The following HIPK2 variants were observed in gnomAD, a reference collection of about 807,000 sequenced individuals.
HIPK2 encodes the protein homeodomain interacting protein kinase 2, also known as homeodomain-interacting protein kinase 2.
HIPK2 carries 27 observed loss-of-function variants against 113.7 expected under a neutral mutation model. The ratio of observed to expected loss-of-function variants is 0.24; its 90% CI spans 0.17 to 0.33. HIPK2 has a LOEUF of 0.33. HIPK2 is among the 10% of genes least tolerant of loss of function. HIPK2 has a pLI of 1.00. For missense variants in HIPK2, 1,257 were observed against 1,588.0 expected (o/e 0.79, Z 3.54); for synonymous variants, 631 against 642.2 (o/e 0.98, Z 0.26).
chr7:139,734,235 T>C (rs1008433152), intron 1 of HIPK2, among the ~76,000 whole-genome samples: 1 of 152,196 alleles, frequency 6.6e-6, no homozygotes, highest in African/African-American at 2.4e-5. Context: ...CTTCAGGAGA[T>C]CAATGTGTCA....
chr7:139,765,009 G>A (rs772920670), intron 1 of HIPK2, among the ~76,000 whole-genome samples: 1 of 151,968 alleles, frequency 6.6e-6, no homozygotes, highest in African/African-American at 2.4e-5. Context: ...GGTGGCGGGT[G>A]CTTGTAATCC....
At chr7:139,739,307 G>A (rs910546703) in intron 1 of HIPK2, among the ~76,000 whole-genome samples, 1 of 152,168 alleles carries the variant, frequency 6.6e-6, no homozygotes, top group Non-Finnish European at 1.5e-5. Context: ...TACAGTTCAG[G>A]CCAGGTGCAG....
Position 139,711,554 on chromosome 7 carries a change from T to C in HIPK2, c.1103+4378A>G, listed in dbSNP as rs1262369761. 5.3e-5 allele frequency among the ~76,000 whole-genome samples: 8 copies of C among 152,330 alleles called. No individual in the cohort carries two copies. In the South Asian group the frequency reaches 1.0e-3, roughly 20 times the overall value. On this transcript the variant is annotated intron_variant, in intron 2 of 14. Coordinates refer to ENST00000406875, the MANE Select transcript of HIPK2 (RefSeq NM_022740.5). Reference sequence around the variant, plus strand: ...TGTTTCAAAAAACTCTAGACAAGAATATTTTGAATAATCCAGAGTAGAAAC... The same window carrying C: ...TGTTTCAAAAAACTCTAGACAAGAACATTTTGAATAATCCAGAGTAGAAAC...
intron 2 of HIPK2, among the ~76,000 whole-genome samples, chr7:139,654,683 G>A (rs62491689): frequency 1.7e-3 from 254 of 152,290 alleles, no homozygotes; most frequent in Non-Finnish European, 3.0e-3. Context: ...CGGGGTTGCA[G>A]TCAGTAGCAA....
Position 139,613,415 on chromosome 7 carries a change from T to G in HIPK2, c.1991-92A>C. The G allele has an allele frequency of 6.7e-7, 1 of 1,488,318 alleles. No homozygotes were observed. The highest frequency in any genetic ancestry group is 9.1e-7 in the Non-Finnish European group (1 of 1,095,858). 92.2% of individuals were successfully genotyped at this position (1,488,318 alleles called of 1,614,324 possible). On this transcript the variant is annotated intron_variant, in intron 8 of 14. Transcript: ENST00000406875. The surrounding 1 kb of genome is among the most constrained non-coding windows in gnomAD (Gnocchi z 4.2). ...CCTTCCTGGGCAGTTATGTCAACTT[T>G]CTGCTTCCCTTTGCACTGGTCACTG...
At chr7:139,585,970 C>G (rs1454495599) in intron 12 of HIPK2, among the ~76,000 whole-genome samples, 1 of 151,862 alleles carries the variant, frequency 6.6e-6, no homozygotes, top group Non-Finnish European at 1.5e-5. Context: ...TCTCTGCCCT[C>G]GAGGAGATTA....
At chr7:139,670,162 TA>T (rs1201031720) in intron 2 of HIPK2, among the ~76,000 whole-genome samples, 2 of 152,184 alleles carry the variant, frequency 1.3e-5, no homozygotes, top group African/African-American at 2.4e-5. Context: ...GTTCAAGTCC[TA>T]AAAGGCTGTT....
intron 1 of HIPK2, among the ~76,000 whole-genome samples, chr7:139,734,795 T>C (rs1046420764): frequency 1.3e-5 from 2 of 152,220 alleles, no homozygotes; most frequent in Non-Finnish European, 2.9e-5. Context: ...GTGTTTTAGA[T>C]TGTGATTTCT....
intron 1 of HIPK2, among the ~76,000 whole-genome samples, chr7:139,718,221 A>G (rs1233189560): frequency 2.6e-5 from 4 of 152,230 alleles, no homozygotes; most frequent in African/African-American, 9.7e-5. Flanking sequence ...AAAGGTTAAA[A>G]GAGTAACAAA....
intron 1 of HIPK2, among the ~76,000 whole-genome samples, chr7:139,761,684 T>C (rs1796466794): frequency 6.6e-6 from 1 of 152,200 alleles, no homozygotes; most frequent in South Asian, 2.1e-4. Context: ...CAACCAGACA[T>C]AGGGCACGAT....
At chr7:139,752,301 A>C (rs898562477) in intron 1 of HIPK2, among the ~76,000 whole-genome samples, 2 of 152,170 alleles carry the variant, frequency 1.3e-5, no homozygotes, top group African/African-American at 4.8e-5. Flanking sequence ...TCCCCCAGAC[A>C]CCTGTCATCG....
intron 11 of HIPK2, among the ~76,000 whole-genome samples, chr7:139,599,270 A>G (rs1013631543): frequency 6.6e-6 from 1 of 152,190 alleles, no homozygotes; most frequent in African/African-American, 2.4e-5. Flanking sequence ...ATTAAGGTAT[A>G]ACTGACATAT....
At chr7:139,578,571 T>C (rs575630474) in intron 13 of HIPK2, among the ~76,000 whole-genome samples, 4 of 152,380 alleles carry the variant, frequency 2.6e-5, no homozygotes, top group Non-Finnish European at 5.9e-5. Flanking sequence ...ATTTGAGCAC[T>C]TCATGTGTTG....
chr7:139,734,932 C>G (rs1467129717), intron 1 of HIPK2, among the ~76,000 whole-genome samples: 1 of 152,240 alleles, frequency 6.6e-6, no homozygotes, highest in African/African-American at 2.4e-5. Context: ...ATTTGACAAG[C>G]CGTATGATTT....
At chr7:139,761,685 A>T (rs902545332) in intron 1 of HIPK2, among the ~76,000 whole-genome samples, 1 of 152,230 alleles carries the variant, frequency 6.6e-6, no homozygotes, top group African/African-American at 2.4e-5. Context: ...AACCAGACAT[A>T]GGGCACGATA....
At chr7:139,621,787 G>A (rs1390781713) in intron 6 of HIPK2, among the ~76,000 whole-genome samples, 1 of 151,874 alleles carries the variant, frequency 6.6e-6, no homozygotes, top group Non-Finnish European at 1.5e-5. Context: ...GCTGGCTGTG[G>A]TGGCACGTGC....
At chr7:139,729,301 G>A (rs988987877) in intron 1 of HIPK2, among the ~76,000 whole-genome samples, 1 of 138,512 alleles carries the variant, frequency 7.2e-6, no homozygotes, top group African/African-American at 2.7e-5. Context: ...TTCCAGCCTG[G>A]GTGACAGAGT....
chr7:139,653,103 CT>C (rs11324896), intron 2 of HIPK2, among the ~76,000 whole-genome samples: 119,680 of 143,952 alleles, frequency 0.83, 50,336 homozygotes, highest in African/African-American at 0.91. Context: ...CACGCCACTG[CT>C]ACTCCAGCCT....
Position 139,631,092 on chromosome 7 carries a change from C to T in HIPK2, c.1347+73G>A. ...TTTTGCTGACTGAATCAAAAGCTCC[C>T]CACTAATGGGTCTACGGCCCTCTTC... On this transcript the variant is annotated intron_variant, in intron 4 of 14. Coordinates refer to ENST00000406875, the MANE Select transcript of HIPK2 (RefSeq NM_022740.5). The surrounding 1 kb of genome is among the most constrained non-coding windows in gnomAD (Gnocchi z 4.9). 6.6e-7 allele frequency: 1 copy of T among 1,523,508 alleles called. No individual in the cohort carries two copies. Among genetic ancestry groups the T allele is most frequent in the Non-Finnish European group, 8.8e-7 (1 of 1,133,448 alleles). 94.4% of individuals were successfully genotyped at this position (1,523,508 alleles called of 1,614,324 possible).
Sources: allele counts gnomAD v4.1 joint callset (sites outside exome capture counted in the v4.1 genomes callset), GRCh38; gene constraint gnomAD v4.1.1; non-coding constraint Gnocchi (gnomAD v3.1); transcripts MANE v1.5; gene names NCBI Gene and HGNC (gene_info 2026-07-23, HGNC 2026-07-21).